Variants in SLC46A1 observed in about 807,000 individuals in gnomAD.
SLC46A1 encodes the protein solute carrier family 46 member 1.
In SLC46A1, 17 loss-of-function variants were observed where a neutral mutation model predicts 32.1. That is an observed-to-expected ratio of 0.53 (90% CI 0.36 to 0.79). The LOEUF is 0.79. Among genes scored for constraint, SLC46A1 ranks in the 30% least tolerant of loss-of-function variants. The pLI is 0.00. For missense variants in SLC46A1, 517 were observed against 588.2 expected, an observed-to-expected ratio of 0.88 and a Z score of 1.25; for synonymous variants, 240 against 262.7, an observed-to-expected ratio of 0.91 and a Z score of 0.84.
Position 28,396,138 on chromosome 17 carries a change from T to C in SLC46A1, c.*3518A>G. 6.2e-7 allele frequency: 1 copy of C among 1,613,936 alleles called. No individual in the cohort carries two copies. Among genetic ancestry groups the C allele is most frequent in the South Asian group, 1.1e-5 (1 of 91,082 alleles). On this transcript the variant is annotated 3_prime_UTR_variant, in exon 5 of 5. Transcript: ENST00000612814. ...CCTCTGCCCAGCTGTCTGAACCACA[T>C]TGGCTCCTGTGCCCACAGGTGGTCC...
rs1555589064 is a variant in SLC46A1, at chr17:28,399,643, T to C, written c.*13A>G. 1 of 1,613,974 alleles carries C rather than the reference T, an allele frequency of 6.2e-7. No individual in the cohort carries two copies. Among genetic ancestry groups the C allele is most frequent in the South Asian group, 1.1e-5 (1 of 91,076 alleles). On this transcript the variant is annotated 3_prime_UTR_variant, in exon 5 of 5. Transcript: ENST00000612814. ...TTTGCTCCTCTTGCCCTCTGTCTTCTGGTCCAGGCAGATCAGGGGCTCTGG... is the reference window on the plus strand; with the variant it reads ...TTTGCTCCTCTTGCCCTCTGTCTTCCGGTCCAGGCAGATCAGGGGCTCTGG...
chr17:28,404,158 T>G, intron 2 of SLC46A1: 1 of 160,986 alleles, frequency 6.2e-6, no homozygotes, highest in Non-Finnish European at 1.4e-5. Context: ...AAGCAGGAAT[T>G]TCATATCTGT....
chr17:28,399,836 C>T (rs2068174897), intron 4 of SLC46A1, 123 bp from the exon 5 acceptor site: 4 of 934,278 alleles, frequency 4.3e-6, no homozygotes, highest in Middle Eastern at 2.1e-4. Flanking sequence ...CCTCCTCCTT[C>T]CCCAAGCTGA....
chr17:28,405,768 C>G, intron 1 of SLC46A1, 119 bp downstream of exon 1: 1 of 1,205,512 alleles, frequency 8.3e-7, no homozygotes, highest in Non-Finnish European at 1.1e-6. Context: ...CGCCCACCAT[C>G]CAAAATGCAC....
chr17:28,405,737 C>A (rs2068252613), intron 1 of SLC46A1, 150 bp downstream of exon 1: 3 of 1,027,088 alleles, frequency 2.9e-6, no homozygotes, highest in Non-Finnish European at 4.1e-6. Context: ...GGTTCTCGGT[C>A]AGGCCCCTTT....
chr17:28,400,504 G>A, intron 4 of SLC46A1, 106 bp downstream of exon 4: 1 of 1,467,806 alleles, frequency 6.8e-7, no homozygotes, highest in Non-Finnish European at 9.2e-7. Context: ...ACACCCAGAG[G>A]GTAAGGATTC....
intron 4 of SLC46A1, 44 bp from the exon 5 acceptor site, chr17:28,399,757 C>G (rs782273845): frequency 1.2e-6 from 2 of 1,605,742 alleles, no homozygotes; most frequent in Non-Finnish European, 8.5e-7. Flanking sequence ...TGTGGGGAAC[C>G]CTCAAGGCCT....
At chr17:28,401,629 G>A (rs951518122) in intron 3 of SLC46A1, 4 of 152,262 alleles carry the variant, frequency 2.6e-5, no homozygotes, top group Admixed American at 6.5e-5. Flanking sequence ...ATTAAATTCT[G>A]TCACATCTAG....
chr17:28,396,017 A>T lies in SLC46A1; in HGVS notation c.*3639T>A. The T allele has an allele frequency of 6.2e-7, 1 of 1,613,726 alleles. No homozygotes were observed. The highest frequency in any genetic ancestry group is 8.5e-7 in the Non-Finnish European group (1 of 1,179,796). Reference sequence around the variant, plus strand: ...GACATGCAGGCTGTGCTTACTTTCAACGGTATCAAGTGAGCCCCAGGGCCC... The same window carrying T: ...GACATGCAGGCTGTGCTTACTTTCATCGGTATCAAGTGAGCCCCAGGGCCC... On this transcript the variant is annotated 3_prime_UTR_variant, in exon 5 of 5. Transcript: ENST00000612814.
rs781799325 is a variant in SLC46A1 at position 28,399,716 on chromosome 17, G to A, written c.1323-3C>T. ...GAGGATCAGCCTTTTCCAGCATCCT[G>A]TGAGAGACCAGAGAGAGAGTTTGGA... On this transcript the variant is annotated splice_polypyrimidine_tract_variant and splice_region_variant and intron_variant, in intron 4 of 4. Coordinates refer to ENST00000612814, the MANE Select transcript of SLC46A1 (RefSeq NM_080669.6). 4 of 1,613,936 alleles carry A rather than the reference G, an allele frequency of 2.5e-6. No homozygotes were observed. In the South Asian group the frequency reaches 3.3e-5, roughly 13 times the overall value.
At chr17:28,400,060 A>AT (rs2068177234) in intron 4 of SLC46A1, 1 of 280,576 alleles carries the variant, frequency 3.6e-6, no homozygotes, top group Non-Finnish European at 6.9e-6. Flanking sequence ...TGCCTGGGTG[A>AT]TTTTTTAAAT....
Position 28,399,388 on chromosome 17 carries a change from G to A in SLC46A1, c.*268C>T. 6.1e-6 allele frequency: 3 copies of A among 491,932 alleles called. No homozygotes were observed. Among genetic ancestry groups the A allele is most frequent in the Non-Finnish European group, 1.1e-5 (3 of 271,624 alleles). The allele number at this position is 491,932 out of a possible 1,614,324, so 30.5% of individuals were successfully genotyped here. ...GGTTATAAGTGATGGATAGCAGAAA[G>A]GGAGAACTGACTCCTGTCCCAAATA... On this transcript the variant is annotated 3_prime_UTR_variant, in exon 5 of 5. Transcript: ENST00000612814.
Position 28,400,850 on chromosome 17 carries a change from G to A in SLC46A1, c.1166-84C>T, listed in dbSNP as rs367581001. 2.2e-5 allele frequency: 28 copies of A among 1,276,894 alleles called. No individual in the cohort carries two copies. In the African/African-American group the frequency reaches 2.5e-4, roughly 11 times the overall value. The allele number at this position is 1,276,894 out of a possible 1,614,324, so 79.1% of individuals were successfully genotyped here. On this transcript the variant is annotated intron_variant, in intron 3 of 4. Coordinates refer to ENST00000612814, the MANE Select transcript of SLC46A1 (RefSeq NM_080669.6). ...ACCACCACCTCACAGCTGTGTGACC[G>A]GGAGTAGTCACTTAACCTATGTCTC...
chr17:28,405,864 C>G (rs1555591249), intron 1 of SLC46A1, 23 bp downstream of exon 1: 2 of 1,545,208 alleles, frequency 1.3e-6, no homozygotes, highest in Non-Finnish European at 8.7e-7. Context: ...CTCCACCTGC[C>G]AGGCTCCTCG....
At chr17:28,405,708 T>G (rs2068251834) in intron 1 of SLC46A1, 179 bp downstream of exon 1, 1 of 959,646 alleles carries the variant, frequency 1.0e-6, no homozygotes, top group East Asian at 2.6e-5. Context: ...AGCTCAGCTT[T>G]TCGCATCCCA....
At chr17:28,400,842 G>T in intron 3 of SLC46A1, 76 bp from the exon 4 acceptor site, 1 of 1,353,250 alleles carries the variant, frequency 7.4e-7, no homozygotes, top group Non-Finnish European at 1.0e-6. Flanking sequence ...CCTCACAGCT[G>T]TGTGACCGGG....
chr17:28,401,122 G>A, intron 3 of SLC46A1: 1 of 344,328 alleles, frequency 2.9e-6, no homozygotes, highest in Non-Finnish European at 5.6e-6. Flanking sequence ...ATCATCTCCT[G>A]TTTGGGATTA....
intron 1 of SLC46A1, chr17:28,405,680 C>G (rs1296149867): frequency 1.1e-6 from 1 of 951,810 alleles, no homozygotes; most frequent in Non-Finnish European, 1.5e-6. Flanking sequence ...CTTTTGTTAA[C>G]CTGCAAGGCC....
At chr17:28,404,161 A>G (rs572658699) in intron 2 of SLC46A1, 1 of 161,212 alleles carries the variant, frequency 6.2e-6, no homozygotes, top group South Asian at 1.7e-4. Flanking sequence ...CAGGAATTTC[A>G]TATCTGTGGT....
Sources: allele counts gnomAD v4.1 joint callset, GRCh38; gene constraint gnomAD v4.1.1; transcripts MANE v1.5; gene names NCBI Gene and HGNC (gene_info 2026-07-23, HGNC 2026-07-21).